ACADSB: variants seen among roughly 807,000 people sequenced by gnomAD.
ACADSB encodes acyl-CoA dehydrogenase short/branched chain, also known as short/branched chain specific acyl-CoA dehydrogenase, mitochondrial.
ACADSB carries 40 observed loss-of-function variants against 54.1 expected under a neutral mutation model. The ratio of observed to expected loss-of-function variants is 0.74; its 90% confidence interval spans 0.57 to 0.96. The LOEUF (loss-of-function observed/expected upper bound fraction) is 0.96. Among genes scored for constraint, ACADSB ranks in the 40% least tolerant of loss-of-function variants. ACADSB has a pLI of 0.00. For missense variants in ACADSB, 530 were observed against 510.4 expected, an observed-to-expected ratio of 1.04 and a Z score of -0.37; for synonymous variants, 182 against 182.8, an observed-to-expected ratio of 1.00 and a Z score of 0.03.
At chr10:123,041,966 C>CTTTTTTTTTTTT (rs373340179) in intron 5 of ACADSB, among the ~76,000 whole-genome samples, 1 of 132,698 alleles carries the variant, frequency 7.5e-6, no homozygotes, top group Non-Finnish European at 1.6e-5. Flanking sequence ...TTTTTCTTTT[C>CTTTTTTTTTTTT]TTTTTTTTTT....
chr10:123,037,117 G>A (rs1436874702), intron 2 of ACADSB, among the ~76,000 whole-genome samples: 1 of 152,190 alleles, frequency 6.6e-6, no homozygotes, highest in Non-Finnish European at 1.5e-5. Flanking sequence ...AGTAGGGGAC[G>A]CTCCTGGCAG....
At chr10:123,042,873 T>G (rs558031145) in intron 5 of ACADSB, among the ~76,000 whole-genome samples, 173 bp from the exon 6 acceptor site, 1 of 152,322 alleles carries the variant, frequency 6.6e-6, no homozygotes, top group East Asian at 1.9e-4. Context: ...GGTTCTATAG[T>G]TTGGATCTAA....
intron 1 of ACADSB, among the ~76,000 whole-genome samples, chr10:123,014,408 C>T (rs2421142): frequency 0.57 from 86,940 of 152,068 alleles, 26,352 homozygotes; most frequent in Non-Finnish European, 0.69. Flanking sequence ...GATCATGGCT[C>T]ACTGAAGCTT....
intron 3 of ACADSB, among the ~76,000 whole-genome samples, chr10:123,039,276 G>T (rs1010400946): frequency 1.3e-5 from 2 of 152,078 alleles, no homozygotes; most frequent in African/African-American, 4.8e-5. Context: ...CCATTCAGTC[G>T]CTCGCATTTC....
Position 123,034,493 on chromosome 10 carries a change from G to A in ACADSB, c.180G>A (p.Glu60=). The A allele has an allele frequency of 6.2e-7, 1 of 1,610,412 alleles. No individual in the cohort carries two copies. Among genetic ancestry groups the A allele is most frequent in the East Asian group, 2.2e-5 (1 of 44,872 alleles). ...HFAPLQTFTD[E]EMMIKSSVKK... ...CTCCCCTGCAAACATTTACAGATGA[G>A]GAAATGATGATAAAGAGTTCAGGTA... Residue 60 remains glutamate (E), a synonymous_variant, in exon 2 of 11, where the codon GAG becomes GAA. Coordinates refer to ENST00000358776, the MANE Select transcript of ACADSB (RefSeq NM_001609.4).
chr10:123,029,668 G>T (rs941544078), intron 1 of ACADSB, among the ~76,000 whole-genome samples: 3 of 152,134 alleles, frequency 2.0e-5, no homozygotes, highest in African/African-American at 7.2e-5. Flanking sequence ...ATATTCTGTT[G>T]CATCAATATA....
At chr10:123,039,534 CT>C (rs1259400482) in intron 3 of ACADSB, among the ~76,000 whole-genome samples, 4 of 152,192 alleles carry the variant, frequency 2.6e-5, no homozygotes, top group Admixed American at 2.0e-4. Flanking sequence ...GGCCCTCGTG[CT>C]TTGGCTAGTG....
intron 1 of ACADSB, among the ~76,000 whole-genome samples, chr10:123,016,558 A>G (rs1220569457): frequency 6.6e-6 from 1 of 152,248 alleles, no homozygotes; most frequent in East Asian, 1.9e-4. Context: ...GGACTCAAAT[A>G]TAGACATACG....
rs554519270 is a variant in ACADSB, at chr10:123,032,260, T to G, written c.43-2096T>G. 2.0e-5 allele frequency among the ~76,000 whole-genome samples: 3 copies of G among 152,230 alleles called. No individual in the cohort carries two copies. The South Asian group carries it at 6.2e-4, about 32-fold the overall frequency. On this transcript the variant is annotated intron_variant, in intron 1 of 10. Transcript: ENST00000358776. ...TCCCAAAGTGCTCGGACTACAGGTG[T>G]GAGCCACTGCACCCGGCCTCGTGAG...
intron 9 of ACADSB, among the ~76,000 whole-genome samples, chr10:123,051,724 T>G (rs1164483293): frequency 6.6e-6 from 1 of 152,232 alleles, no homozygotes; most frequent in African/African-American, 2.4e-5. Context: ...GCCAAATCAC[T>G]GGGCAGCTGT....
At chr10:123,022,350 T>C (rs1261975221) in intron 1 of ACADSB, among the ~76,000 whole-genome samples, 1 of 152,188 alleles carries the variant, frequency 6.6e-6, no homozygotes, top group Non-Finnish European at 1.5e-5. Context: ...TATGACACCA[T>C]TGTAAAATGA....
intron 1 of ACADSB, among the ~76,000 whole-genome samples, chr10:123,020,828 C>T (rs551867843): frequency 6.6e-6 from 1 of 152,256 alleles, no homozygotes; most frequent in African/African-American, 2.4e-5. Context: ...CATGGTGAAA[C>T]CCCGTCTCTA....
chr10:123,041,154 T>G, intron 4 of ACADSB, 55 bp from the exon 5 acceptor site: 1 of 1,561,528 alleles, frequency 6.4e-7, no homozygotes, highest in Non-Finnish European at 8.8e-7. Flanking sequence ...AAGTATTTGT[T>G]ATACAGAGTA....
chr10:123,044,681 A>G (rs1462630783), intron 7 of ACADSB, among the ~76,000 whole-genome samples, 196 bp downstream of exon 7: 2 of 152,202 alleles, frequency 1.3e-5, no homozygotes, highest in African/African-American at 4.8e-5. Context: ...GAACCAAACA[A>G]TGGCTTGGTG....
In ACADSB at chr10:123,051,124, C is replaced by T; in HGVS notation, c.1066C>T (p.Leu356Phe). The change falls in exon 9 of 11, where the codon CTT becomes TTT. Residue 356 changes from leucine to phenylalanine, a missense_variant. Leu to Phe is a conservative substitution (Grantham distance 22). Coordinates refer to ENST00000358776, the MANE Select transcript of ACADSB (RefSeq NM_001609.4). Reference protein sequence around the residue: ...ARLLTYNAARLLEAGKPFIKE... With the variant: ...ARLLTYNAARFLEAGKPFIKE... Reference sequence around the variant, plus strand: ...ATTACTAACATACAATGCTGCTAGGCTTTTAGAAGCTGGAAAGCCATTCAT... The same window carrying T: ...ATTACTAACATACAATGCTGCTAGGTTTTTAGAAGCTGGAAAGCCATTCAT... The T allele has an allele frequency of 6.4e-7, 1 of 1,556,046 alleles. No homozygotes were observed. The highest frequency in any genetic ancestry group is 8.7e-7 in the Non-Finnish European group (1 of 1,152,692).
intron 5 of ACADSB, 93 bp downstream of exon 5, chr10:123,041,472 A>T (rs902089219): frequency 7.5e-7 from 1 of 1,337,536 alleles, no homozygotes; most frequent in African/African-American, 1.5e-5. Flanking sequence ...TTAGGACTTC[A>T]TCTTGAACTC....
Position 123,034,520 on chromosome 10 carries a change from G to T in ACADSB, c.202+5G>T. The T allele has an allele frequency of 6.2e-7, 1 of 1,605,442 alleles. No homozygotes were observed. Among genetic ancestry groups the T allele is most frequent in the Non-Finnish European group, 8.5e-7 (1 of 1,179,596 alleles). ...AAATGATGATAAAGAGTTCAGGTAA[G>T]TAAATTTATCAGTGTCACCTTTTTC... On this transcript the variant is annotated splice_donor_5th_base_variant and intron_variant, in intron 2 of 10. Transcript: ENST00000358776.
chr10:123,042,457 C>CT (rs60480402), intron 5 of ACADSB, among the ~76,000 whole-genome samples: 86,348 of 115,752 alleles, frequency 0.75, 32,955 homozygotes, highest in Middle Eastern at 0.91. Context: ...ATTGTTAAAA[C>CT]TTTTTTTTTT....
chr10:123,029,066 A>C (rs1335867399), intron 1 of ACADSB, among the ~76,000 whole-genome samples: 1 of 150,922 alleles, frequency 6.6e-6, no homozygotes, highest in Middle Eastern at 3.3e-3. Context: ...AATAAAACAG[A>C]CCAGTCATGG....
Sources: gnomAD v4.1 joint callset for allele counts (sites outside exome capture counted in the v4.1 genomes callset) on GRCh38, gnomAD v4.1.1 for gene constraint, MANE v1.5 for transcripts, NCBI Gene and HGNC (gene_info 2026-07-23, HGNC 2026-07-21) for gene names.